CHSY1: variants seen among roughly 807,000 people sequenced by gnomAD.
CHSY1 encodes the protein N-acetylgalactosaminyl-proteoglycan 3-beta-glucuronosyltransferase 1.
A neutral mutation model predicts 59.8 loss-of-function variants in CHSY1; 13 were observed. The ratio of observed to expected loss-of-function variants is 0.22; its 90% CI spans 0.14 to 0.35. The LOEUF is 0.35. Ranked by LOEUF, CHSY1 falls within the 10% of genes least tolerant of loss-of-function variation. The pLI is 1.00. For synonymous variants in CHSY1, 459 were observed against 401.2 expected (o/e 1.14, Z -1.72); for missense variants, 947 against 1,030.6 (o/e 0.92, Z 1.11).
intron 2 of CHSY1, chr15:101,189,545 G>T: frequency 1.1e-6 from 1 of 880,724 alleles, no homozygotes; most frequent in Non-Finnish European, 1.4e-6. Context: ...TCTGTGTCAA[G>T]TCTAACTGAA....
At chr15:101,207,126 A>G (rs564475644) in intron 2 of CHSY1, among the ~76,000 whole-genome samples, 4 of 152,368 alleles carry the variant, frequency 2.6e-5, no homozygotes, top group East Asian at 1.9e-4. Flanking sequence ...ATTGTCTAAT[A>G]TATTTCTCAG....
intron 2 of CHSY1, among the ~76,000 whole-genome samples, chr15:101,182,216 GGTCCCACGGT>G (rs1178659451): frequency 7.2e-5 from 11 of 152,274 alleles, no homozygotes; most frequent in African/African-American, 2.4e-4. Flanking sequence ...ACTTCATATG[GGTCCCACGGT>G]GTTATTCGAG....
Position 101,188,595 on chromosome 15 carries a change from T to TAAAA in CHSY1, c.817-9619_817-9616dup, listed in dbSNP as rs3034964. Among the ~76,000 whole-genome samples, 76 of 149,706 alleles carry TAAAA rather than the reference T, an allele frequency of 5.1e-4. 1 individual carries two copies. In the East Asian group the frequency reaches 0.011, roughly 21 times the overall value. Reference sequence around the variant, plus strand: ...GAAATTAAGCTGGGACTTTAGTGGTTAAAAAAAAAAAGAGAATTATTATGA... The same window carrying TAAAA: ...GAAATTAAGCTGGGACTTTAGTGGTTAAAAAAAAAAAAAAAGAGAATTATTATGA... On this transcript the variant is annotated intron_variant, in intron 2 of 2. Transcript: ENST00000254190.
At chr15:101,193,134 C>T (rs1283504555) in intron 2 of CHSY1, among the ~76,000 whole-genome samples, 3 of 152,236 alleles carry the variant, frequency 2.0e-5, no homozygotes, top group Admixed American at 1.3e-4. Flanking sequence ...AGCCACTGCA[C>T]ACAGCAAAGC....
chr15:101,185,682 T>C (rs1296791733), intron 2 of CHSY1, among the ~76,000 whole-genome samples: 1 of 148,726 alleles, frequency 6.7e-6, no homozygotes, highest in Non-Finnish European at 1.5e-5. Flanking sequence ...TCCCCTGCAA[T>C]GTTCTCCTCG....
chr15:101,193,233 G>A (rs1268481260), intron 2 of CHSY1, among the ~76,000 whole-genome samples: 2 of 152,228 alleles, frequency 1.3e-5, no homozygotes, highest in Admixed American at 6.5e-5. Context: ...AACAAGGAGT[G>A]TGTCAGACGG....
At chr15:101,190,908 G>C (rs922720485) in intron 2 of CHSY1, among the ~76,000 whole-genome samples, 4 of 152,190 alleles carry the variant, frequency 2.6e-5, no homozygotes, top group Non-Finnish European at 4.4e-5. Context: ...GAAGGGCCGA[G>C]AGGAGCGACG....
intron 2 of CHSY1, among the ~76,000 whole-genome samples, chr15:101,197,880 C>T (rs1438077231): frequency 6.6e-6 from 1 of 152,146 alleles, no homozygotes; most frequent in African/African-American, 2.4e-5. Context: ...AAGAATTCCG[C>T]GAGTGGTATT....
chr15:101,192,615 CAA>C (rs61431916), intron 2 of CHSY1, among the ~76,000 whole-genome samples: 15,749 of 152,196 alleles, frequency 0.1, 869 homozygotes, highest in East Asian at 0.2. Context: ...AAGCATCCTT[CAA>C]AGAGGATCAA....
intron 2 of CHSY1, among the ~76,000 whole-genome samples, chr15:101,201,444 T>C (rs1423321781): frequency 1.3e-5 from 2 of 152,172 alleles, no homozygotes; most frequent in Non-Finnish European, 2.9e-5. Flanking sequence ...ATGAGAAAGA[T>C]GCCTAAGAAC....
At chr15:101,200,381 C>T (rs1026305143) in intron 2 of CHSY1, among the ~76,000 whole-genome samples, 2 of 152,222 alleles carry the variant, frequency 1.3e-5, no homozygotes, top group African/African-American at 4.8e-5. Context: ...GCCTGGCCTG[C>T]TTCTCACAGG....
chr15:101,218,870 C>T (rs756242586), intron 2 of CHSY1, among the ~76,000 whole-genome samples: 8 of 152,138 alleles, frequency 5.3e-5, no homozygotes, highest in Non-Finnish European at 8.8e-5. Context: ...GAAAATTTCC[C>T]CTTTGTCAAA....
chr15:101,212,906 T>A (rs988697905), intron 2 of CHSY1, among the ~76,000 whole-genome samples: 2 of 152,202 alleles, frequency 1.3e-5, no homozygotes. Flanking sequence ...GCAAGTATAA[T>A]AAAGTATTAC....
chr15:101,198,274 G>A (rs375848456), intron 2 of CHSY1, among the ~76,000 whole-genome samples: 2 of 152,102 alleles, frequency 1.3e-5, no homozygotes, highest in African/African-American at 2.4e-5. Flanking sequence ...CACAGGAGAC[G>A]GCAGTAAAGC....
intron 2 of CHSY1, among the ~76,000 whole-genome samples, chr15:101,193,529 C>G (rs76049476): frequency 2.0e-5 from 3 of 152,218 alleles, no homozygotes; most frequent in Non-Finnish European, 4.4e-5. Context: ...ACCAGCTGCC[C>G]GGGAGCAGGC....
Position 101,241,867 on chromosome 15 carries a change from C to T in CHSY1, c.321-6290G>A, listed in dbSNP as rs767278321. Among the ~76,000 whole-genome samples the T allele has an allele frequency of 3.2e-4, 48 of 152,146 alleles. 1 individual carries two copies. Among genetic ancestry groups the T allele is most frequent in the South Asian group, 2.1e-4 (1 of 4,822 alleles). ...CATCCAAGAGGGAATGATCCCAGGACCCCAAAATCCACAGACGCTTTAGTC... is the reference window on the plus strand; with the variant it reads ...CATCCAAGAGGGAATGATCCCAGGATCCCAAAATCCACAGACGCTTTAGTC... On this transcript the variant is annotated intron_variant, in intron 1 of 2. Transcript: ENST00000254190.
rs377533784 is a variant in CHSY1 at position 101,176,019 on chromosome 15, CAT to C, written c.*1367_*1368del. On this transcript the variant is annotated 3_prime_UTR_variant, in exon 3 of 3. Transcript: ENST00000254190. ...TCATTTCACTTTTGTCCCCAAAACACATGAGCACCAAAATTGTCAAAGAACAC... is the reference window on the plus strand; with the variant it reads ...TCATTTCACTTTTGTCCCCAAAACACGAGCACCAAAATTGTCAAAGAACAC... 724 of 358,120 alleles carry C rather than the reference CAT, an allele frequency of 2.0e-3. 13 individuals carry two copies. In the East Asian group the frequency reaches 0.026, roughly 13 times the overall value. 22.2% of individuals were successfully genotyped at this position (358,120 alleles called of 1,614,324 possible).
At chr15:101,237,736 C>T (rs1489152494) in intron 1 of CHSY1, among the ~76,000 whole-genome samples, 2 of 152,178 alleles carry the variant, frequency 1.3e-5, no homozygotes, top group Admixed American at 6.5e-5. Context: ...ACTTTCTTCA[C>T]GTTCTGTATT....
intron 2 of CHSY1, among the ~76,000 whole-genome samples, chr15:101,204,255 G>T (rs1289938318): frequency 6.6e-6 from 1 of 152,008 alleles, no homozygotes; most frequent in Non-Finnish European, 1.5e-5. Flanking sequence ...CCAATATGGC[G>T]AAACCCCATC....
Sources: allele counts gnomAD v4.1 joint callset (sites outside exome capture counted in the v4.1 genomes callset), GRCh38; gene constraint gnomAD v4.1.1; transcripts MANE v1.5; gene names NCBI Gene and HGNC (gene_info 2026-07-23, HGNC 2026-07-21).